Variants in SLU7 observed in about 807,000 individuals in gnomAD.
SLU7 encodes pre-mRNA-splicing factor SLU7.
In SLU7, 60 loss-of-function variants were observed where a neutral mutation model predicts 87.0. The observed-to-expected ratio is 0.69, with a 90% CI of 0.56 to 0.86. The LOEUF (loss-of-function observed/expected upper bound fraction) is 0.86. Ranked by LOEUF, SLU7 falls within the 40% of genes least tolerant of loss-of-function variation. The pLI, the probability that SLU7 is intolerant of heterozygous loss-of-function variation, is 0.00. For synonymous variants in SLU7, 197 were observed against 222.0 expected, an observed-to-expected ratio of 0.89 and a Z score of 1.00; for missense variants, 507 against 686.6, an observed-to-expected ratio of 0.74 and a Z score of 2.92.
intron 1 of SLU7, among the ~76,000 whole-genome samples, chr5:160,416,276 C>T (rs1765451752): frequency 3.9e-5 from 6 of 152,146 alleles, no homozygotes; most frequent in Admixed American, 3.9e-4. Flanking sequence ...CAGTCAGCAC[C>T]TTTTAAGCCA....
intron 1 of SLU7, among the ~76,000 whole-genome samples, chr5:160,418,044 T>C (rs955773695): frequency 2.0e-5 from 3 of 152,196 alleles, no homozygotes; most frequent in South Asian, 2.1e-4. Flanking sequence ...CAGTGGAAAG[T>C]GCTCAATGCC....
At chr5:160,415,754 A>T (rs936089498) in intron 1 of SLU7, among the ~76,000 whole-genome samples, 1 of 152,084 alleles carries the variant, frequency 6.6e-6, no homozygotes, top group Admixed American at 6.5e-5. Context: ...TCCATTCCCT[A>T]CCATTCTAAA....
At chr5:160,408,133 T>A in intron 8 of SLU7, 65 bp from the exon 9 acceptor site, 1 of 1,240,830 alleles carries the variant, frequency 8.1e-7, no homozygotes. Context: ...AGCAGACTAG[T>A]TGGAGGAGTT....
Position 160,402,659 on chromosome 5 carries a change from TAAATAC to T in SLU7, c.*620_*625del, listed in dbSNP as rs1764828554. ...CGAAGCAATAAAGTTTGAAGCTTAA[TAAATAC>T]AGAGAAAGAGACATTCTTAATAGGT... On this transcript the variant is annotated 3_prime_UTR_variant, in exon 16 of 16. Transcript: ENST00000297151. 6.6e-6 allele frequency: 1 copy of T among 152,118 alleles called. No homozygotes were observed. Among genetic ancestry groups the T allele is most frequent in the African/African-American group, 2.4e-5 (1 of 41,418 alleles). The allele number at this position is 152,118 out of a possible 1,614,324, so 9.4% of individuals were successfully genotyped here.
intron 6 of SLU7, among the ~76,000 whole-genome samples, chr5:160,411,168 C>A (rs1031937909): frequency 1.2e-4 from 18 of 152,074 alleles, no homozygotes; most frequent in African/African-American, 4.3e-4. Flanking sequence ...GCCCGGCCGG[C>A]AAATTCACTT....
intron 1 of SLU7, among the ~76,000 whole-genome samples, chr5:160,416,766 A>G (rs1308229516): frequency 6.6e-6 from 1 of 152,196 alleles, no homozygotes; most frequent in African/African-American, 2.4e-5. Context: ...CCTCCAATCA[A>G]TTCTCCACAT....
At chr5:160,416,041 G>A (rs760815785) in intron 1 of SLU7, among the ~76,000 whole-genome samples, 25 of 152,042 alleles carry the variant, frequency 1.6e-4, no homozygotes, top group Non-Finnish European at 3.1e-4. Context: ...ACAGGTGCCC[G>A]CCACCATGCC....
At chr5:160,404,961 C>G in intron 13 of SLU7, 70 bp downstream of exon 13, 1 of 1,492,894 alleles carries the variant, frequency 6.7e-7, no homozygotes, top group South Asian at 1.1e-5. Context: ...AAACATGAGA[C>G]AGCATGTTTT....
intron 6 of SLU7, among the ~76,000 whole-genome samples, chr5:160,411,200 A>G (rs1311557585): frequency 6.6e-6 from 1 of 151,920 alleles, no homozygotes; most frequent in East Asian, 1.9e-4. Context: ...TGTATGTCTC[A>G]TGGAGCAGAG....
chr5:160,408,618 A>G (rs1407830084), intron 7 of SLU7, 32 bp downstream of exon 7: 2 of 1,464,472 alleles, frequency 1.4e-6, no homozygotes, highest in South Asian at 2.4e-5. Context: ...TAAAAATTTA[A>G]CATATACTCA....
At chr5:160,411,189 A>G (rs1765219606) in intron 6 of SLU7, among the ~76,000 whole-genome samples, 1 of 151,844 alleles carries the variant, frequency 6.6e-6, no homozygotes, top group African/African-American at 2.4e-5. Flanking sequence ...TTCTAAGAGC[A>G]TGTATGTCTC....
rs1015158896 is a variant in SLU7, at chr5:160,402,081, T to A, written c.*1204A>T. ...CATGGCAATCTATTACTAATATCCC[T>A]AGAAGCTATCCTTATAATTCTTTCA... On this transcript the variant is annotated 3_prime_UTR_variant, in exon 16 of 16. Coordinates refer to ENST00000297151, the MANE Select transcript of SLU7 (RefSeq NM_006425.5). 2 of 152,248 alleles carry A rather than the reference T, an allele frequency of 1.3e-5. No individual in the cohort carries two copies. Among genetic ancestry groups the A allele is most frequent in the African/African-American group, 4.8e-5 (2 of 41,468 alleles). The allele number at this position is 152,248 out of a possible 1,614,324, so 9.4% of individuals were successfully genotyped here.
chr5:160,403,049 A>G lies in SLU7; in HGVS notation c.*236T>C, dbSNP rs573282391. 3.0e-6 allele frequency: 1 copy of G among 329,138 alleles called. No homozygotes were observed. The highest frequency in any genetic ancestry group is 4.8e-5 in the East Asian group (1 of 20,786). The allele number at this position is 329,138 out of a possible 1,614,324, so 20.4% of individuals were successfully genotyped here. A position where few individuals can be genotyped will look rare whatever the true frequency, so the allele number is the denominator to read the frequency against. On this transcript the variant is annotated 3_prime_UTR_variant, in exon 16 of 16. Coordinates refer to ENST00000297151, the MANE Select transcript of SLU7 (RefSeq NM_006425.5). ...AATAAATAAATAAAAAAAACTGGAA[A>G]TAAAATCTTAATCCAATTTTAAATT... is the stretch of plus-strand genomic sequence containing the variant.
intron 5 of SLU7, 49 bp downstream of exon 5, chr5:160,413,407 A>C: frequency 6.4e-7 from 1 of 1,567,504 alleles, no homozygotes; most frequent in South Asian, 1.1e-5. Flanking sequence ...GAGATACAGC[A>C]AAAGGACGAT....
In SLU7 at chr5:160,412,460, C is replaced by T; in HGVS notation, c.630G>A (p.Val210=). The change falls in exon 6 of 16, where the codon GTG becomes GTA. Residue 210 remains valine (V), a synonymous_variant. Coordinates refer to ENST00000297151, the MANE Select transcript of SLU7 (RefSeq NM_006425.5). ...LQEELASGKL[V]EQANSPKHQW... ...CATTTTCATTACTTACAGCCTGTTC[C>T]ACTAATTTTCCTGAGGCTAATTCCT... is the stretch of plus-strand genomic sequence containing the variant. 5 of 1,523,676 alleles carry T rather than the reference C, an allele frequency of 3.3e-6. No homozygotes were observed. Among genetic ancestry groups the T allele is most frequent in the South Asian group, 1.2e-5 (1 of 83,050 alleles). The allele number at this position is 1,523,676 out of a possible 1,614,324, so 94.4% of individuals were successfully genotyped here.
intron 2 of SLU7, among the ~76,000 whole-genome samples, chr5:160,414,819 G>A (rs1765385137): frequency 6.6e-6 from 1 of 152,142 alleles, no homozygotes; most frequent in Non-Finnish European, 1.5e-5. Flanking sequence ...AAATAATTGT[G>A]TAGGTATTAT....
At chr5:160,417,981 C>T (rs1205666966) in intron 1 of SLU7, among the ~76,000 whole-genome samples, 2 of 152,230 alleles carry the variant, frequency 1.3e-5, no homozygotes, top group East Asian at 3.9e-4. Flanking sequence ...CCTCTAGTTC[C>T]TCTAACAAAC....
intron 5 of SLU7, 23 bp downstream of exon 5, chr5:160,413,433 G>C: frequency 6.2e-7 from 1 of 1,608,958 alleles, no homozygotes; most frequent in Non-Finnish European, 8.5e-7. Flanking sequence ...AAAAACCCCA[G>C]GAAAGCAGGG....
chr5:160,416,777 T>C (rs1385159672), intron 1 of SLU7, among the ~76,000 whole-genome samples: 1 of 152,198 alleles, frequency 6.6e-6, no homozygotes, highest in Non-Finnish European at 1.5e-5. Context: ...TTCTCCACAT[T>C]GCAGTGTTAA....
Sources: gnomAD v4.1 joint callset for allele counts (sites outside exome capture counted in the v4.1 genomes callset) on GRCh38, gnomAD v4.1.1 for gene constraint, MANE v1.5 for transcripts, NCBI Gene and HGNC (gene_info 2026-07-23, HGNC 2026-07-21) for gene names.